The following DHRSX variants were observed in gnomAD, a reference collection of about 807,000 sequenced individuals.
The protein encoded by DHRSX is dehydrogenase/reductase X-linked.
DHRSX carries 31 observed loss-of-function variants against 34.0 expected under a neutral mutation model. The observed-to-expected ratio is 0.91, with a 90% CI of 0.69 to 1.23. The LOEUF is 1.23. DHRSX is among the 50% of genes most tolerant of loss of function. The probability of loss-of-function intolerance (pLI) is 0.00; values close to 1 mark genes in which losing one functional copy is unlikely to be tolerated. For missense variants in DHRSX, 414 were observed against 428.1 expected, an observed-to-expected ratio of 0.97 and a Z score of 0.29; for synonymous variants, 201 against 183.8, an observed-to-expected ratio of 1.09 and a Z score of -0.76.
intron 6 of DHRSX, among the ~76,000 whole-genome samples, chrX:2,240,020 C>T (rs776899436): frequency 1.3e-5 from 2 of 150,912 alleles, no homozygotes; most frequent in Non-Finnish European, 3.0e-5. Context: ...CAGCTGGGCG[C>T]GGTGGCTCAC....
intron 3 of DHRSX, among the ~76,000 whole-genome samples, chrX:2,357,131 C>G (rs2042864812): frequency 6.6e-6 from 1 of 152,076 alleles, no homozygotes; most frequent in African/African-American, 2.4e-5. Flanking sequence ...GTAATGCCAG[C>G]TACTCAGGAG....
chrX:2,390,144 C>CA (rs1166056838), intron 3 of DHRSX, among the ~76,000 whole-genome samples: 2 of 128,176 alleles, frequency 1.6e-5, no homozygotes. Flanking sequence ...GCATTTTAAC[C>CA]TTTTTTTTTT....
chrX:2,494,735 T>C (rs1476061762), intron 1 of DHRSX, among the ~76,000 whole-genome samples: 1 of 151,954 alleles, frequency 6.6e-6, no homozygotes, highest in Non-Finnish European at 1.5e-5. Flanking sequence ...GAAAAAAGGT[T>C]CTGGTACCTA....
At chrX:2,250,848 T>C (rs1174367028) in intron 5 of DHRSX, among the ~76,000 whole-genome samples, 1 of 152,144 alleles carries the variant, frequency 6.6e-6, no homozygotes, top group African/African-American at 2.4e-5. Context: ...CTAATGCCTC[T>C]GAAAAATTTA....
Position 2,384,683 on chromosome X carries a change from C to T in DHRSX, c.286+24062G>A, listed in dbSNP as rs1296481764. ...AAATTCCACACAGGCAAGAAGCAAG[C>T]TTATTTGGTTGTATTTAAAATTGAA... On this transcript the variant is annotated intron_variant, in intron 3 of 6. Coordinates refer to ENST00000334651, the MANE Select transcript of DHRSX (RefSeq NM_145177.3). Among the ~76,000 whole-genome samples the T allele has an allele frequency of 1.0e-4, 15 of 145,358 alleles. No homozygotes were observed. The Admixed American group carries it at 1.1e-3, about 11-fold the overall frequency.
intron 1 of DHRSX, among the ~76,000 whole-genome samples, chrX:2,428,575 A>G (rs1160394474): frequency 6.6e-6 from 1 of 152,146 alleles, no homozygotes; most frequent in Non-Finnish European, 1.5e-5. Context: ...AACAATGAGA[A>G]CACATGGAAA....
intron 3 of DHRSX, among the ~76,000 whole-genome samples, chrX:2,322,514 A>T (rs1185827167): frequency 7.4e-5 from 11 of 149,382 alleles, no homozygotes; most frequent in Admixed American, 2.0e-4. Context: ...ACACCACTGA[A>T]CTCCAGCCTG....
chrX:2,415,583 A>G (rs1214398523), intron 2 of DHRSX, among the ~76,000 whole-genome samples: 2 of 151,740 alleles, frequency 1.3e-5, no homozygotes, highest in Non-Finnish European at 2.9e-5. Flanking sequence ...GCCCAACTAG[A>G]CCTCATCATA....
At chrX:2,480,063 C>T (rs188364180) in intron 1 of DHRSX, among the ~76,000 whole-genome samples, 3 of 143,670 alleles carry the variant, frequency 2.1e-5, no homozygotes, top group South Asian at 2.1e-4. Context: ...GATACCTGCA[C>T]CCCCTGTGCA....
intron 5 of DHRSX, among the ~76,000 whole-genome samples, chrX:2,265,136 G>A (rs2041431571): frequency 7.1e-6 from 1 of 139,958 alleles, no homozygotes; most frequent in African/African-American, 2.7e-5. Context: ...GACGCAGGGA[G>A]CACTGTCCCC....
intron 1 of DHRSX, among the ~76,000 whole-genome samples, chrX:2,484,580 C>G (rs1054920258): frequency 2.0e-5 from 3 of 152,128 alleles, no homozygotes; most frequent in Non-Finnish European, 4.4e-5. Flanking sequence ...AAGAAATGAG[C>G]AAAACACTGC....
intron 4 of DHRSX, among the ~76,000 whole-genome samples, chrX:2,274,323 C>T (rs2041596134): frequency 6.6e-6 from 1 of 151,908 alleles, no homozygotes; most frequent in Admixed American, 6.6e-5. Flanking sequence ...CAGGTGTGAG[C>T]CACTGCACCC....
intron 3 of DHRSX, among the ~76,000 whole-genome samples, chrX:2,348,844 C>G (rs36082295): frequency 0.046 from 7,035 of 151,988 alleles, 562 homozygotes; most frequent in African/African-American, 0.16. Flanking sequence ...CAGGCACCCA[C>G]GACCACACTC....
At chrX:2,422,445 T>C (rs2043792958) in intron 2 of DHRSX, among the ~76,000 whole-genome samples, 1 of 151,870 alleles carries the variant, frequency 6.6e-6, no homozygotes, top group Non-Finnish European at 1.5e-5. Flanking sequence ...GTATTTTTAG[T>C]AGAGACGGGG....
rs770194399 is a variant in DHRSX at position 2,335,492 on chromosome X, C to T, written c.287-43889G>A. On this transcript the variant is annotated intron_variant, in intron 3 of 6. Transcript: ENST00000334651. ...GTTTAGACAGAGTATTGCTCTGGCA[C>T]CAGGCTGGAGTGCAGTGGCGCGACC... Among the ~76,000 whole-genome samples the T allele has an allele frequency of 7.9e-4, 120 of 151,894 alleles. 1 individual carries two copies. Among genetic ancestry groups the T allele is most frequent in the African/African-American group, 2.8e-3 (117 of 41,478 alleles).
At chrX:2,309,537 G>T (rs972524642) in intron 3 of DHRSX, among the ~76,000 whole-genome samples, 2 of 152,096 alleles carry the variant, frequency 1.3e-5, no homozygotes, top group African/African-American at 2.4e-5. Context: ...AGAGCTCCTA[G>T]AATAAATGTG....
chrX:2,356,763 A>G (rs1380678791), intron 3 of DHRSX, among the ~76,000 whole-genome samples: 2 of 152,120 alleles, frequency 1.3e-5, no homozygotes, highest in Admixed American at 1.3e-4. Flanking sequence ...ATGAATAGTA[A>G]ATGTAGTTTC....
intron 5 of DHRSX, among the ~76,000 whole-genome samples, chrX:2,243,549 C>T (rs2016195004): frequency 6.6e-6 from 1 of 151,830 alleles, no homozygotes; most frequent in South Asian, 2.1e-4. Flanking sequence ...TGCAGTGGTG[C>T]AATCTTGGCT....
chrX:2,473,085 G>A (rs757782120), intron 1 of DHRSX, among the ~76,000 whole-genome samples: 4 of 152,266 alleles, frequency 2.6e-5, no homozygotes, highest in South Asian at 4.1e-4. Context: ...GTTCACAGCC[G>A]TGATTAAGGT....
Sources: gnomAD v4.1 joint callset for allele counts (sites outside exome capture counted in the v4.1 genomes callset) on GRCh38, gnomAD v4.1.1 for gene constraint, MANE v1.5 for transcripts, NCBI Gene and HGNC (gene_info 2026-07-23, HGNC 2026-07-21) for gene names.